GUCA2B: variants seen among roughly 807,000 people sequenced by gnomAD.
GUCA2B encodes the protein guanylate cyclase activator 2B.
In GUCA2B, 7 loss-of-function variants were observed where a neutral mutation model predicts 11.1. That is an observed-to-expected ratio of 0.63 (90% confidence interval 0.36 to 1.18). The LOEUF (loss-of-function observed/expected upper bound fraction) is 1.18, where lower values mean the gene tolerates loss of function less well. Among genes scored for constraint, GUCA2B ranks in the 50% most tolerant of loss-of-function variants. The probability of loss-of-function intolerance (pLI) is 0.02; values close to 1 mark genes in which losing one functional copy is unlikely to be tolerated. For synonymous variants in GUCA2B, 69 were observed against 65.3 expected, an observed-to-expected ratio of 1.06 and a Z score of -0.27; for missense variants, 140 against 142.5, an observed-to-expected ratio of 0.98 and a Z score of 0.09.
intron 2 of GUCA2B, 127 bp from the exon 3 acceptor site, chr1:42,155,408 C>A: frequency 2.6e-6 from 2 of 773,674 alleles, no homozygotes; most frequent in South Asian, 1.4e-5. Flanking sequence ...CAAGCCCTCA[C>A]TCCACCTCTA....
In GUCA2B at chr1:42,154,852, TC is replaced by T. The variant is rs1278515106; in HGVS notation, c.264del (p.Phe89SerfsTer4). On this transcript the variant is annotated frameshift_variant, in exon 2 of 3. Transcript: ENST00000372581. LOFTEE classifies it high-confidence loss of function. Reference sequence around the variant, plus strand: ...TGCGCCTCGCAGGAGGCTTCCAGCATCTTCAAGACCCTGAGTAAGTGCCCCC... The same window carrying T: ...TGCGCCTCGCAGGAGGCTTCCAGCATTTCAAGACCCTGAGTAAGTGCCCCC... ...PVCASQEASS[I>X]FKTLRTIAND... 1 of 1,612,368 alleles carries T rather than the reference TC, an allele frequency of 6.2e-7. No individual in the cohort carries two copies. The highest frequency in any genetic ancestry group is 1.7e-5 in the Admixed American group (1 of 59,912).
At chr1:42,153,994 T>C (rs949230294) in intron 1 of GUCA2B, among the ~76,000 whole-genome samples, 1 of 152,148 alleles carries the variant, frequency 6.6e-6, no homozygotes, top group Non-Finnish European at 1.5e-5. Context: ...ACACAGATGA[T>C]GGGGAAACTG....
Position 42,154,751 on chromosome 1 carries a change from C to T in GUCA2B, c.162C>T (p.Ser54=), listed in dbSNP as rs776476307. ...LSDLEAQWAP[S]PRLQAQSLLP... ...ACCTGGAGGCACAGTGGGCACCCAG[C>T]CCCCGCCTGCAGGCCCAGAGCCTCC... Residue 54 remains serine, a synonymous_variant, in exon 2 of 3, where the codon AGC becomes AGT. Transcript: ENST00000372581. The T allele has an allele frequency of 5.6e-6, 9 of 1,613,398 alleles. No individual in the cohort carries two copies. Among genetic ancestry groups the T allele is most frequent in the Non-Finnish European group, 7.6e-6 (9 of 1,179,432 alleles).
intron 2 of GUCA2B, 77 bp downstream of exon 2, chr1:42,154,943 T>G: frequency 2.6e-6 from 3 of 1,171,434 alleles, no homozygotes; most frequent in Non-Finnish European, 3.7e-6. Context: ...GTTGTTTCTC[T>G]TAAGCACCCA....
Position 42,155,533 on chromosome 1 carries a change from A to G in GUCA2B, c.278-2A>G. 6.2e-7 allele frequency: 1 copy of G among 1,613,624 alleles called. No individual in the cohort carries two copies. Among genetic ancestry groups the G allele is most frequent in the Non-Finnish European group, 8.5e-7 (1 of 1,179,534 alleles). ...CAACTGACCAGTTCTCTCCCTGCCC[A>G]GGGACCATCGCTAACGACGACTGTG... On this transcript the variant is annotated splice_acceptor_variant, in intron 2 of 2. Transcript: ENST00000372581. LOFTEE classifies it high-confidence loss of function.
In GUCA2B at chr1:42,155,577, C is replaced by A. The variant is rs777178660; in HGVS notation, c.320C>A (p.Ala107Glu). 5 of 1,613,774 alleles carry A rather than the reference C, an allele frequency of 3.1e-6. No homozygotes were observed. Among genetic ancestry groups the A allele is most frequent in the African/African-American group, 1.3e-5 (1 of 75,040 alleles). ...NDDCELCVNV[A>E]CTGCL ...GACTGTGAGCTGTGTGTGAACGTTG[C>A]GTGTACCGGCTGCCTCTGAGATAGC... The change falls in exon 3 of 3, where the codon GCG (alanine) becomes GAG (glutamate). Residue 107 changes from alanine (A) to glutamate (E), a missense_variant. Coordinates refer to ENST00000372581, the MANE Select transcript of GUCA2B (RefSeq NM_007102.3).
At position 42,153,437 on chromosome 1, in the gene GUCA2B, AC is replaced by A; in HGVS notation, c.-11del. On this transcript the variant is annotated 5_prime_UTR_variant, in exon 1 of 3. Transcript: ENST00000372581. ...GAGACGGTGGACAGCGGCAGGGGGAACCCAGGGAGCGCGATGGGCTGCAGGG... is the reference window on the plus strand; with the variant it reads ...GAGACGGTGGACAGCGGCAGGGGGAACCAGGGAGCGCGATGGGCTGCAGGG... 6.3e-7 allele frequency: 1 copy of A among 1,596,516 alleles called. No homozygotes were observed. The highest frequency in any genetic ancestry group is 8.6e-7 in the Non-Finnish European group (1 of 1,167,386).
chr1:42,155,455 A>G (rs974520777), intron 2 of GUCA2B, 80 bp from the exon 3 acceptor site: 21 of 1,136,072 alleles, frequency 1.8e-5, no homozygotes, highest in Non-Finnish European at 1.9e-5. Context: ...GATGCCGCCC[A>G]TTCCCAAGCA....
rs555975626 is a variant in GUCA2B, at chr1:42,153,426, C to A, written c.-25C>A. The A allele has an allele frequency of 3.9e-6, 6 of 1,553,664 alleles. No individual in the cohort carries two copies. Among genetic ancestry groups the A allele is most frequent in the African/African-American group, 1.4e-5 (1 of 73,530 alleles). On this transcript the variant is annotated 5_prime_UTR_variant, in exon 1 of 3. Transcript: ENST00000372581. Reference sequence around the variant, plus strand: ...GACACAGATGGGAGACGGTGGACAGCGGCAGGGGGAACCCAGGGAGCGCGA... The same window carrying A: ...GACACAGATGGGAGACGGTGGACAGAGGCAGGGGGAACCCAGGGAGCGCGA...
chr1:42,153,907 G>A (rs1646095639), intron 1 of GUCA2B, among the ~76,000 whole-genome samples: 1 of 152,200 alleles, frequency 6.6e-6, no homozygotes, highest in Non-Finnish European at 1.5e-5. Context: ...TGTAGGTGGA[G>A]GAGGACAGGC....
Position 42,155,696 on chromosome 1 carries a change from G to T in GUCA2B, c.*100G>T. 1 of 903,024 alleles carries T rather than the reference G, an allele frequency of 1.1e-6. No individual in the cohort carries two copies. The highest frequency in any genetic ancestry group is 1.7e-5 in the Admixed American group (1 of 57,748). The allele number at this position is 903,024 out of a possible 1,614,324, so 55.9% of individuals were successfully genotyped here. A position where few individuals can be genotyped will look rare whatever the true frequency, so the allele number is the denominator to read the frequency against. On this transcript the variant is annotated 3_prime_UTR_variant, in exon 3 of 3. Transcript: ENST00000372581. ...CGTCCATGCTCAAGATGGGTCCCTGGCCACCATGGTCATCACCACCCTTCC... is the reference window on the plus strand; with the variant it reads ...CGTCCATGCTCAAGATGGGTCCCTGTCCACCATGGTCATCACCACCCTTCC...
chr1:42,155,063 C>G (rs72955181), intron 2 of GUCA2B, among the ~76,000 whole-genome samples, 197 bp downstream of exon 2: 1,690 of 152,324 alleles, frequency 0.011, 34 homozygotes, highest in African/African-American at 0.038. Context: ...GCTTCGTCCC[C>G]TTAGTCCACG....
Position 42,155,727 on chromosome 1 carries a change from C to A in GUCA2B, c.*131C>A. ...ATGGTCATCACCACCCTTCCAGGGC[C>A]TGAGCAGCTGGATCTGGTACAAAGC... On this transcript the variant is annotated 3_prime_UTR_variant, in exon 3 of 3. Transcript: ENST00000372581. 1.3e-6 allele frequency: 1 copy of A among 759,860 alleles called. No individual in the cohort carries two copies. The highest frequency in any genetic ancestry group is 2.4e-6 in the Non-Finnish European group (1 of 424,118). The allele number at this position is 759,860 out of a possible 1,614,324, so 47.1% of individuals were successfully genotyped here. A position where few individuals can be genotyped will look rare whatever the true frequency, so the allele number is the denominator to read the frequency against.
At chr1:42,154,602 G>A (rs1036738308) in intron 1 of GUCA2B, 78 bp from the exon 2 acceptor site, 1 of 1,219,836 alleles carries the variant, frequency 8.2e-7, no homozygotes, top group Admixed American at 1.7e-5. Flanking sequence ...CAGGGTTTGA[G>A]CAACCCTGGG....
intron 1 of GUCA2B, among the ~76,000 whole-genome samples, chr1:42,154,385 A>C (rs907091265): frequency 4.6e-5 from 7 of 152,206 alleles, no homozygotes; most frequent in Admixed American, 2.0e-4. Flanking sequence ...GAGATGTCAG[A>C]TGAGGGAACT....
chr1:42,153,450 G>T lies in GUCA2B; in HGVS notation c.-1G>T. On this transcript the variant is annotated 5_prime_UTR_variant, in exon 1 of 3. Transcript: ENST00000372581. Reference sequence around the variant, plus strand: ...GCGGCAGGGGGAACCCAGGGAGCGCGATGGGCTGCAGGGCTGCATCAGGGC... The same window carrying T: ...GCGGCAGGGGGAACCCAGGGAGCGCTATGGGCTGCAGGGCTGCATCAGGGC... The T allele has an allele frequency of 6.2e-7, 1 of 1,608,896 alleles. No homozygotes were observed.
chr1:42,155,715 C>T lies in GUCA2B; in HGVS notation c.*119C>T, dbSNP rs186849508. ...TCCCTGGCCACCATGGTCATCACCA[C>T]CCTTCCAGGGCCTGAGCAGCTGGAT... On this transcript the variant is annotated 3_prime_UTR_variant, in exon 3 of 3. Transcript: ENST00000372581. 105 of 810,404 alleles carry T rather than the reference C, an allele frequency of 1.3e-4. 1 individual carries two copies. In the East Asian group the frequency reaches 2.1e-3, roughly 16 times the overall value. The allele number at this position is 810,404 out of a possible 1,614,324, so 50.2% of individuals were successfully genotyped here.
In GUCA2B at chr1:42,154,896, GCT is replaced by G. The variant is rs761357497; in HGVS notation, c.277+33_277+34del. The G allele has an allele frequency of 5.1e-6, 8 of 1,558,698 alleles. No homozygotes were observed. The Admixed American group carries it at 1.4e-4, about 27-fold the overall frequency. On this transcript the variant is annotated intron_variant, in intron 2 of 2. Coordinates refer to ENST00000372581, the MANE Select transcript of GUCA2B (RefSeq NM_007102.3). Reference sequence around the variant, plus strand: ...GTGCCCCCGCTCCCTGCAGAACCTCGCTCTGTCTCCTCCCACGCCCAGGCTCC... The same window carrying G: ...GTGCCCCCGCTCCCTGCAGAACCTCGCTGTCTCCTCCCACGCCCAGGCTCC...
At chr1:42,153,613 T>C (rs1646094394) in intron 1 of GUCA2B, 73 bp downstream of exon 1, 2 of 1,137,956 alleles carry the variant, frequency 1.8e-6, no homozygotes, top group African/African-American at 1.5e-5. Flanking sequence ...GAGGGTGTAC[T>C]GGGAATTCAG....
Sources: gnomAD v4.1 joint callset for allele counts (sites outside exome capture counted in the v4.1 genomes callset) on GRCh38, gnomAD v4.1.1 for gene constraint, MANE v1.5 for transcripts, NCBI Gene and HGNC (gene_info 2026-07-23, HGNC 2026-07-21) for gene names.